PCGF5: variants seen among roughly 807,000 people sequenced by gnomAD.
PCGF5 encodes polycomb group RING finger protein 5.
PCGF5 carries 9 observed loss-of-function variants against 44.3 expected under a neutral mutation model. That is an observed-to-expected ratio of 0.20 (90% confidence interval 0.12 to 0.35). The LOEUF is 0.35. Among genes scored for constraint, PCGF5 ranks in the 10% least tolerant of loss-of-function variants. PCGF5 has a pLI of 1.00. For synonymous variants in PCGF5, 95 were observed against 102.5 expected (o/e 0.93, Z 0.44); for missense variants, 146 against 305.3 (o/e 0.48, Z 3.89).
chr10:91,177,711 C>T (rs1216321061), intron 1 of PCGF5, among the ~76,000 whole-genome samples: 1 of 152,200 alleles, frequency 6.6e-6, no homozygotes, highest in Non-Finnish European at 1.5e-5. Context: ...AAGCCAGGTG[C>T]AGGATATAAT....
intron 1 of PCGF5, among the ~76,000 whole-genome samples, chr10:91,193,960 G>C (rs1205848002): frequency 6.6e-6 from 1 of 152,170 alleles, no homozygotes; most frequent in South Asian, 2.1e-4. Context: ...AAGAGAGAGA[G>C]GAGTTTAGGA....
At chr10:91,213,482 A>G (rs1589371537) in intron 1 of PCGF5, among the ~76,000 whole-genome samples, 1 of 146,054 alleles carries the variant, frequency 6.8e-6, no homozygotes, top group Non-Finnish European at 1.5e-5. Flanking sequence ...ATTTTTTTTT[A>G]AGATGAAGTT....
chr10:91,185,086 G>T (rs554738538), intron 1 of PCGF5, among the ~76,000 whole-genome samples: 1 of 152,306 alleles, frequency 6.6e-6, no homozygotes, highest in East Asian at 1.9e-4. Context: ...GTTGGCTTGG[G>T]CTCTCCAAGC....
intron 1 of PCGF5, among the ~76,000 whole-genome samples, chr10:91,163,587 C>T (rs1843435467): frequency 6.6e-6 from 1 of 152,116 alleles, no homozygotes; most frequent in African/African-American, 2.4e-5. Context: ...CGCGCCCCGG[C>T]GCCTAGTTTG....
At chr10:91,211,547 T>G (rs1463669238) in intron 1 of PCGF5, among the ~76,000 whole-genome samples, 2 of 152,248 alleles carry the variant, frequency 1.3e-5, no homozygotes, top group Admixed American at 1.3e-4. Flanking sequence ...ACGTCAGTAC[T>G]GACCCAAAAC....
chr10:91,254,173 T>TTCTCTC (rs200105407), intron 6 of PCGF5, among the ~76,000 whole-genome samples: 1 of 150,834 alleles, frequency 6.6e-6, no homozygotes. Flanking sequence ...TATGTGTTCG[T>TTCTCTC]TCTCTCTCTC....
chr10:91,243,204 G>C (rs1267305539), intron 3 of PCGF5, among the ~76,000 whole-genome samples: 6 of 152,176 alleles, frequency 3.9e-5, no homozygotes, highest in African/African-American at 9.7e-5. Context: ...AGGAGGTTGT[G>C]GGGAGGGGAA....
upstream of PCGF5, among the ~76,000 whole-genome samples, chr10:91,161,467 A>AC (rs144962553): frequency 0.02 from 3,039 of 152,250 alleles, 109 homozygotes; most frequent in East Asian, 0.088. Flanking sequence ...AACCCACACT[A>AC]CCTAACAGGG....
At chr10:91,181,902 C>G (rs1843824803) in intron 1 of PCGF5, among the ~76,000 whole-genome samples, 1 of 152,160 alleles carries the variant, frequency 6.6e-6, no homozygotes, top group African/African-American at 2.4e-5. Context: ...GGAGGAGTCT[C>G]TCCTTTTCAG....
At chr10:91,181,717 A>G (rs1385817695) in intron 1 of PCGF5, among the ~76,000 whole-genome samples, 1 of 152,178 alleles carries the variant, frequency 6.6e-6, no homozygotes, top group Non-Finnish European at 1.5e-5. Context: ...GGGGATGAAG[A>G]CCACTTGATG....
chr10:91,250,490 G>T (rs367767720), intron 5 of PCGF5, among the ~76,000 whole-genome samples: 46 of 129,492 alleles, frequency 3.6e-4, no homozygotes, highest in African/African-American at 1.3e-3. Context: ...TATTTGTCTG[G>T]TTTTTTCTTT....
At chr10:91,183,693 G>T (rs529721060) in intron 1 of PCGF5, among the ~76,000 whole-genome samples, 7 of 152,294 alleles carry the variant, frequency 4.6e-5, no homozygotes, top group African/African-American at 1.7e-4. Flanking sequence ...TGTTTCTGTA[G>T]TGGCTGGTAA....
intron 1 of PCGF5, among the ~76,000 whole-genome samples, chr10:91,184,467 G>C (rs10785995): frequency 1.3e-5 from 2 of 151,982 alleles, no homozygotes; most frequent in African/African-American, 2.4e-5. Flanking sequence ...ATGTTTTAGC[G>C]TGATTTTTAG....
intron 5 of PCGF5, 126 bp from the exon 6 acceptor site, chr10:91,251,166 T>C: frequency 1.5e-6 from 1 of 648,362 alleles, no homozygotes. Context: ...AGATACTAAG[T>C]TCTTCTTCAA....
In PCGF5 at chr10:91,234,119, C is replaced by T. The variant is rs150630195; in HGVS notation, c.113-6365C>T. On this transcript the variant is annotated intron_variant, in intron 2 of 9. Transcript: ENST00000336126. ...ATCTAAGATAGCAACAACAAATGAC[C>T]TTGTACCTTTTGTGTAGACACCCTC... is the stretch of plus-strand genomic sequence containing the variant. Among the ~76,000 whole-genome samples, 3 of 152,260 alleles carry T rather than the reference C, an allele frequency of 2.0e-5. No individual in the cohort carries two copies. In the East Asian group the frequency reaches 5.8e-4, roughly 29 times the overall value.
intron 1 of PCGF5, among the ~76,000 whole-genome samples, chr10:91,174,203 T>TA (rs546917165): frequency 0.02 from 3,047 of 151,350 alleles, 82 homozygotes; most frequent in East Asian, 0.082. Flanking sequence ...TTCATTGCAT[T>TA]AAAAAAAAGT....
chr10:91,228,044 CA>C, intron 2 of PCGF5: 3 of 708,300 alleles, frequency 4.2e-6, no homozygotes, highest in Non-Finnish European at 5.2e-6. Context: ...TTAGGAATTA[CA>C]AATTTAGGAA....
At chr10:91,270,022 G>A (rs1846140704) in intron 8 of PCGF5, among the ~76,000 whole-genome samples, 1 of 152,160 alleles carries the variant, frequency 6.6e-6, no homozygotes, top group African/African-American at 2.4e-5. Flanking sequence ...GAAGTGTTTA[G>A]CAGAGTGTCT....
In PCGF5 at chr10:91,226,164, C is replaced by T. The variant is rs376720830; in HGVS notation, c.112+3181C>T. 1.6e-4 allele frequency among the ~76,000 whole-genome samples: 24 copies of T among 151,856 alleles called. No homozygotes were observed. The East Asian group carries it at 3.9e-3, about 24-fold the overall frequency. On this transcript the variant is annotated intron_variant, in intron 2 of 9. Coordinates refer to ENST00000336126, the MANE Select transcript of PCGF5 (RefSeq NM_032373.5). ...ACTCATAAGAAAATATAAAGATTTT[C>T]GTCTTACTATTCAAGTTTGAAATGC...
Sources: allele counts gnomAD v4.1 joint callset (sites outside exome capture counted in the v4.1 genomes callset), GRCh38; gene constraint gnomAD v4.1.1; transcripts MANE v1.5; gene names NCBI Gene and HGNC (gene_info 2026-07-23, HGNC 2026-07-21).